Variants in TMTC2 observed in about 807,000 individuals in gnomAD.
TMTC2 encodes protein O-mannosyl-transferase TMTC2.
A neutral mutation model predicts 82.4 loss-of-function variants in TMTC2; 43 were observed. The ratio of observed to expected loss-of-function variants is 0.52; its 90% CI spans 0.41 to 0.67. The LOEUF (loss-of-function observed/expected upper bound fraction) is 0.67, where lower values mean the gene tolerates loss of function less well. TMTC2 is among the 30% of genes least tolerant of loss of function. TMTC2 has a pLI of 0.00. For missense variants in TMTC2, 919 were observed against 1,012.4 expected (o/e 0.91, Z 1.25); for synonymous variants, 408 against 381.9 (o/e 1.07, Z -0.80).
In TMTC2 at chr12:82,999,663, C is replaced by T. The variant is rs149148635; in HGVS notation, c.2070+13617C>T. 4.0e-3 allele frequency among the ~76,000 whole-genome samples: 609 copies of T among 152,254 alleles called. 5 individuals are homozygous for T. The highest frequency in any genetic ancestry group is 0.014 in the African/African-American group (585 of 41,556). On this transcript the variant is annotated intron_variant, in intron 8 of 11. Coordinates refer to ENST00000321196, the MANE Select transcript of TMTC2 (RefSeq NM_152588.3). Reference sequence around the variant, plus strand: ...GAGAATGCTTGTGCAGGGAAACTCCCGTTTTTAAAACCATCATATCTCATG... The same window carrying T: ...GAGAATGCTTGTGCAGGGAAACTCCTGTTTTTAAAACCATCATATCTCATG...
At chr12:83,108,562 G>A (rs894446337) in intron 11 of TMTC2, among the ~76,000 whole-genome samples, 9 of 152,032 alleles carry the variant, frequency 5.9e-5, no homozygotes, top group South Asian at 2.1e-4. Flanking sequence ...CCCAGGAGGT[G>A]GAGGTTGCAG....
intron 9 of TMTC2, among the ~76,000 whole-genome samples, chr12:83,049,532 G>A (rs911288047): frequency 2.0e-5 from 3 of 152,058 alleles, no homozygotes; most frequent in Non-Finnish European, 2.9e-5. Flanking sequence ...CATGGTGTGT[G>A]TATACCACAT....
intron 3 of TMTC2, among the ~76,000 whole-genome samples, chr12:82,901,577 C>T (rs1323782703): frequency 6.6e-6 from 1 of 151,998 alleles, no homozygotes; most frequent in Non-Finnish European, 1.5e-5. Flanking sequence ...GCTGGGATTA[C>T]AGGCCTTATC....
At chr12:83,021,334 C>T (rs368146079) in intron 8 of TMTC2, among the ~76,000 whole-genome samples, 2 of 152,114 alleles carry the variant, frequency 1.3e-5, no homozygotes, top group Non-Finnish European at 2.9e-5. Context: ...CTCTATCACT[C>T]CACTACATAG....
intron 1 of TMTC2, among the ~76,000 whole-genome samples, chr12:82,775,674 A>G (rs954837824): frequency 5.9e-5 from 9 of 152,230 alleles, no homozygotes; most frequent in Middle Eastern, 3.4e-3. Context: ...AAATATTTTT[A>G]CTGGAGAATA....
intron 11 of TMTC2, among the ~76,000 whole-genome samples, chr12:83,068,489 G>A (rs551350445): frequency 3.0e-4 from 45 of 152,088 alleles, no homozygotes; most frequent in Admixed American, 3.3e-4. Context: ...CTTGTAAATG[G>A]GGGAGGAACC....
chr12:83,004,273 T>G (rs1165810804), intron 8 of TMTC2, among the ~76,000 whole-genome samples: 4 of 152,254 alleles, frequency 2.6e-5, no homozygotes, highest in Non-Finnish European at 5.9e-5. Context: ...TTTCAATTCT[T>G]GGATCATTTT....
Position 82,896,125 on chromosome 12 carries a change from T to C in TMTC2, c.962T>C (p.Leu321Pro). The change falls in exon 3 of 12, where the codon CTT becomes CCT. Residue 321 changes from leucine (L) to proline (P), a missense_variant. Physicochemically the swap from Leu to Pro is moderately conservative, Grantham distance 98. Coordinates refer to ENST00000321196, the MANE Select transcript of TMTC2 (RefSeq NM_152588.3). ...LHTVAFYTGL[L>P]LLAYYGLKSP... Reference sequence around the variant, plus strand: ...ACTGTGGCCTTCTATACTGGACTCCTTCTCCTTGCCTACTATGGTTTGAAG... The same window carrying C: ...ACTGTGGCCTTCTATACTGGACTCCCTCTCCTTGCCTACTATGGTTTGAAG... 1 of 1,614,040 alleles carries C rather than the reference T, an allele frequency of 6.2e-7. No homozygotes were observed. Among genetic ancestry groups the C allele is most frequent in the South Asian group, 1.1e-5 (1 of 91,080 alleles).
At chr12:82,735,560 T>C (rs1565727905) in intron 1 of TMTC2, among the ~76,000 whole-genome samples, 1 of 151,942 alleles carries the variant, frequency 6.6e-6, no homozygotes, top group South Asian at 2.1e-4. Flanking sequence ...TTAGCCAGGA[T>C]GGTCTCGATC....
At chr12:82,703,791 A>C (rs1177672826) in intron 1 of TMTC2, among the ~76,000 whole-genome samples, 1 of 152,130 alleles carries the variant, frequency 6.6e-6, no homozygotes, top group African/African-American at 2.4e-5. Flanking sequence ...CCGGCCAAAG[A>C]TAGATAGTTT....
At chr12:82,912,399 T>C (rs574168752) in intron 3 of TMTC2, among the ~76,000 whole-genome samples, 2 of 152,320 alleles carry the variant, frequency 1.3e-5, no homozygotes, top group Admixed American at 1.3e-4. Flanking sequence ...TGATTTTTTT[T>C]CTGCTCTTCT....
At chr12:82,773,802 G>A (rs1224032096) in intron 1 of TMTC2, among the ~76,000 whole-genome samples, 1 of 152,056 alleles carries the variant, frequency 6.6e-6, no homozygotes, top group African/African-American at 2.4e-5. Context: ...GAGCCCTAAA[G>A]TGACTCCAGG....
At chr12:82,698,296 T>G (rs997085008) in intron 1 of TMTC2, among the ~76,000 whole-genome samples, 1 of 152,190 alleles carries the variant, frequency 6.6e-6, no homozygotes, top group African/African-American at 2.4e-5. Context: ...ACAGTTTTAG[T>G]CTTGGAATAC....
chr12:82,698,439 C>T (rs1382728212), intron 1 of TMTC2, among the ~76,000 whole-genome samples: 1 of 152,092 alleles, frequency 6.6e-6, no homozygotes. Flanking sequence ...GATGAACGTT[C>T]TCTGTGGTTT....
intron 1 of TMTC2, among the ~76,000 whole-genome samples, chr12:82,815,969 C>T (rs2137055767): frequency 6.6e-6 from 1 of 152,178 alleles, no homozygotes; most frequent in African/African-American, 2.4e-5. Context: ...ACCTGTTTAG[C>T]TTCACATCTC....
intron 11 of TMTC2, among the ~76,000 whole-genome samples, chr12:83,116,463 T>C (rs576188157): frequency 1.3e-5 from 2 of 152,358 alleles, no homozygotes; most frequent in African/African-American, 2.4e-5. Flanking sequence ...ACTAGTGGGA[T>C]TGCTGGATCA....
intron 11 of TMTC2, among the ~76,000 whole-genome samples, chr12:83,063,292 G>T: frequency 1.8e-5 from 1 of 56,642 alleles, no homozygotes; most frequent in African/African-American, 7.1e-5. Context: ...TTCTTCTGCA[G>T]TTTTGTTTTT....
At chr12:82,905,118 A>G (rs1169325722) in intron 3 of TMTC2, among the ~76,000 whole-genome samples, 7 of 151,724 alleles carry the variant, frequency 4.6e-5, no homozygotes, top group Non-Finnish European at 8.8e-5. Flanking sequence ...CCGCCTATCT[A>G]TGAGGAACTT....
intron 1 of TMTC2, among the ~76,000 whole-genome samples, chr12:82,707,553 T>C (rs934468726): frequency 2.6e-5 from 4 of 152,214 alleles, no homozygotes; most frequent in African/African-American, 9.6e-5. Context: ...TTCATGACCA[T>C]TGGCAACCTA....
Sources: allele counts gnomAD v4.1 joint callset (sites outside exome capture counted in the v4.1 genomes callset), GRCh38; gene constraint gnomAD v4.1.1; transcripts MANE v1.5; gene names NCBI Gene and HGNC (gene_info 2026-07-23, HGNC 2026-07-21).